The following SEMA3A variants were observed in gnomAD, a reference collection of about 807,000 sequenced individuals.
SEMA3A encodes the protein semaphorin-3A.
A neutral mutation model predicts 97.9 loss-of-function variants in SEMA3A; 29 were observed. The ratio of observed to expected loss-of-function variants is 0.30; its 90% confidence interval spans 0.22 to 0.40. The LOEUF (loss-of-function observed/expected upper bound fraction) is 0.40. SEMA3A is among the 10% of genes least tolerant of loss of function. SEMA3A has a pLI of 1.00. For missense variants in SEMA3A, 763 were observed against 951.3 expected (o/e 0.80, Z 2.60); for synonymous variants, 321 against 323.7 (o/e 0.99, Z 0.09).
At chr7:84,190,726 A>G (rs1328778252) in intron 1 of SEMA3A, among the ~76,000 whole-genome samples, 6 of 147,724 alleles carry the variant, frequency 4.1e-5, no homozygotes, top group Non-Finnish European at 7.5e-5. Context: ...ATGTATATAT[A>G]TAATATATAT....
intron 2 of SEMA3A, among the ~76,000 whole-genome samples, chr7:84,325,111 A>G (rs1367538931): frequency 1.4e-5 from 2 of 147,506 alleles, no homozygotes; most frequent in East Asian, 2.0e-4. Flanking sequence ...TGGAGAATGT[A>G]TATATCTCTA....
chr7:84,124,828 T>C (rs1795742589), intron 3 of SEMA3A, among the ~76,000 whole-genome samples: 1 of 152,014 alleles, frequency 6.6e-6, no homozygotes, highest in South Asian at 2.1e-4. Flanking sequence ...CCATGAATCA[T>C]CTTGAAGTGC....
intron 3 of SEMA3A, among the ~76,000 whole-genome samples, chr7:84,247,192 T>C (rs1255407355): frequency 6.6e-6 from 1 of 152,184 alleles, no homozygotes; most frequent in Non-Finnish European, 1.5e-5. Context: ...TAATTCTGCA[T>C]GGCAGTTATG....
At chr7:84,366,227 C>T (rs10255354) in intron 2 of SEMA3A, among the ~76,000 whole-genome samples, 43,290 of 150,924 alleles carry the variant, frequency 0.29, 6,673 homozygotes, top group African/African-American at 0.38. Flanking sequence ...ACACTTGCTT[C>T]AGAAATGAAA....
chr7:84,138,090 T>C (rs1419700939), intron 1 of SEMA3A, among the ~76,000 whole-genome samples: 1 of 151,916 alleles, frequency 6.6e-6, no homozygotes, highest in East Asian at 1.9e-4. Flanking sequence ...GAACAAGCAT[T>C]TCCTAGTAAG....
intron 3 of SEMA3A, among the ~76,000 whole-genome samples, chr7:84,240,252 G>C (rs984134486): frequency 2.0e-5 from 3 of 152,134 alleles, no homozygotes; most frequent in African/African-American, 7.2e-5. Flanking sequence ...ATTTTAGTAG[G>C]TTGAATAATG....
chr7:84,366,309 C>T (rs1802846411), intron 2 of SEMA3A, among the ~76,000 whole-genome samples: 1 of 151,298 alleles, frequency 6.6e-6, no homozygotes, highest in African/African-American at 2.4e-5. Context: ...CCACGAAATA[C>T]ATTTTCAACT....
intron 1 of SEMA3A, among the ~76,000 whole-genome samples, chr7:84,180,163 C>T (rs887234149): frequency 2.7e-5 from 4 of 150,550 alleles, no homozygotes; most frequent in Admixed American, 6.7e-5. Flanking sequence ...TCAGGCTGGT[C>T]TCTAACTCCC....
chr7:84,116,545 T>C (rs1399808089), intron 3 of SEMA3A, among the ~76,000 whole-genome samples: 4 of 152,194 alleles, frequency 2.6e-5, no homozygotes, highest in Non-Finnish European at 4.4e-5. Flanking sequence ...GAAGCTCTAA[T>C]CTCTACCATC....
rs1454158715 is a variant in SEMA3A, at chr7:83,959,366, A to C, written c.*2005T>G. On this transcript the variant is annotated 3_prime_UTR_variant, in exon 17 of 17. Coordinates refer to ENST00000265362, the MANE Select transcript of SEMA3A (RefSeq NM_006080.3). ...AAAAGAATGACCTATTTTTTGGAGC[A>C]CTCTTTGTTCTTCGATTTATATTTG... The C allele has an allele frequency of 2.0e-5, 3 of 152,088 alleles. No individual in the cohort carries two copies. Among genetic ancestry groups the C allele is most frequent in the East Asian group, 3.9e-4 (2 of 5,172 alleles). The allele number at this position is 152,088 out of a possible 1,614,324, so 9.4% of individuals were successfully genotyped here.
In SEMA3A at chr7:84,410,587, A is replaced by G. The variant is rs569102334; in HGVS notation, c.-245-38687T>C. Among the ~76,000 whole-genome samples the G allele has an allele frequency of 5.3e-5, 8 of 152,292 alleles. No homozygotes were observed. In the South Asian group the frequency reaches 1.4e-3, roughly 28 times the overall value. On this transcript the variant is annotated intron_variant, in intron 1 of 3. Transcript: ENST00000424555. Reference sequence around the variant, plus strand: ...TATTTTTCTTTGTTTTCTGTTGGAAATGTAGTAGTTGTGGCCTTTCAGCAG... The same window carrying G: ...TATTTTTCTTTGTTTTCTGTTGGAAGTGTAGTAGTTGTGGCCTTTCAGCAG...
At chr7:84,046,277 TAC>T (rs1479754345) in intron 6 of SEMA3A, 45 bp downstream of exon 6, 1 of 1,600,144 alleles carries the variant, frequency 6.2e-7, no homozygotes, top group African/African-American at 1.3e-5. Context: ...AGTAACTTAA[TAC>T]AGTTACACAT....
intron 3 of SEMA3A, among the ~76,000 whole-genome samples, chr7:84,297,133 A>G (rs1255485265): frequency 6.6e-6 from 1 of 152,130 alleles, no homozygotes; most frequent in East Asian, 1.9e-4. Context: ...ATGCGCCACC[A>G]TGCCCGGCTA....
At chr7:84,483,128 G>A (rs929590685) in intron 1 of SEMA3A, among the ~76,000 whole-genome samples, 6 of 152,044 alleles carry the variant, frequency 3.9e-5, no homozygotes, top group Non-Finnish European at 7.4e-5. Context: ...AGACATAATG[G>A]GAATAGGCCA....
intron 4 of SEMA3A, among the ~76,000 whole-genome samples, chr7:84,092,797 A>G (rs1304512841): frequency 6.6e-6 from 1 of 152,132 alleles, no homozygotes; most frequent in African/African-American, 2.4e-5. Context: ...CATAACCTCC[A>G]ACTATTTCTT....
chr7:84,184,497 G>A (rs35473465), intron 1 of SEMA3A, among the ~76,000 whole-genome samples: 9,560 of 152,184 alleles, frequency 0.063, 348 homozygotes, highest in African/African-American at 0.092. Flanking sequence ...ATCCCAAAAC[G>A]AGAATTAACA....
chr7:83,977,020 C>T, intron 15 of SEMA3A, 112 bp downstream of exon 15: 1 of 473,666 alleles, frequency 2.1e-6, no homozygotes, highest in Non-Finnish European at 3.5e-6. Context: ...TCTTCGGCTG[C>T]ATTTCTTTAA....
rs776611896 is a variant in SEMA3A, at chr7:83,981,426, C to A, written c.1547G>T (p.Arg516Leu). 1.9e-6 allele frequency: 3 copies of A among 1,613,466 alleles called. No homozygotes were observed. Among genetic ancestry groups the A allele is most frequent in the East Asian group, 2.2e-5 (1 of 44,830 alleles). The part of the protein sequence containing the change: ...TAGVAQLPLH[R>L]CDIYGKACAE... ...ACACGCTTTCCCGTAAATATCACAC[C>A]GGTGTAAAGGGAGCTGGGCAACCCC... is the stretch of plus-strand genomic sequence containing the variant. The change falls in exon 14 of 17, where the codon CGG (arginine) becomes CTG (leucine). Residue 516 changes from arginine to leucine, a missense_variant. Transcript: ENST00000265362.
intron 3 of SEMA3A, among the ~76,000 whole-genome samples, chr7:84,244,222 T>C (rs920861056): frequency 2.6e-5 from 4 of 152,024 alleles, no homozygotes; most frequent in African/African-American, 7.2e-5. Context: ...TGTGTAGGAG[T>C]CTAAGTCTCT....
Sources: allele counts gnomAD v4.1 joint callset (sites outside exome capture counted in the v4.1 genomes callset), GRCh38; gene constraint gnomAD v4.1.1; transcripts MANE v1.5; gene names NCBI Gene and HGNC (gene_info 2026-07-23, HGNC 2026-07-21).